The following RBMS1 variants were observed in gnomAD, a reference collection of about 807,000 sequenced individuals.
RBMS1 encodes the protein RNA binding motif single stranded interacting protein 1.
In RBMS1, 17 loss-of-function variants were observed where a neutral mutation model predicts 62.3. The ratio of observed to expected loss-of-function variants is 0.27; its 90% CI spans 0.19 to 0.41. RBMS1 has a LOEUF of 0.41. Among genes scored for constraint, RBMS1 ranks in the 10% least tolerant of loss-of-function variants. RBMS1 has a pLI of 1.00. For missense variants in RBMS1, 334 were observed against 504.5 expected, an observed-to-expected ratio of 0.66 and a Z score of 3.24; for synonymous variants, 172 against 170.0, an observed-to-expected ratio of 1.01 and a Z score of -0.09.
chr2:160,378,321 A>G (rs899739736), intron 1 of RBMS1, among the ~76,000 whole-genome samples: 3 of 152,166 alleles, frequency 2.0e-5, no homozygotes, highest in Admixed American at 2.0e-4. Context: ...AGGTTAATTA[A>G]AGCAGTTTGG....
intron 7 of RBMS1, among the ~76,000 whole-genome samples, chr2:160,285,807 T>G: frequency 6.6e-6 from 1 of 151,648 alleles, no homozygotes; most frequent in East Asian, 1.9e-4. Context: ...AGATCCTATC[T>G]CTATAAAAAT....
intron 10 of RBMS1, among the ~76,000 whole-genome samples, chr2:160,280,948 T>G (rs891038124): frequency 6.6e-6 from 1 of 152,172 alleles, no homozygotes; most frequent in African/African-American, 2.4e-5. Context: ...AAAATCTTCA[T>G]CTCGGTTTTG....
intron 1 of RBMS1, chr2:160,407,894 C>T (rs1356426181): frequency 1.0e-6 from 1 of 980,686 alleles, no homozygotes; most frequent in African/African-American, 1.8e-5. Context: ...GCGGCCTCAA[C>T]CACCGCCCTG....
chr2:160,325,293 A>G (rs180821720), intron 2 of RBMS1, among the ~76,000 whole-genome samples: 2 of 152,272 alleles, frequency 1.3e-5, no homozygotes, highest in Admixed American at 6.5e-5. Flanking sequence ...ACCTGACTAA[A>G]GACCTTCTGG....
At chr2:160,321,192 T>G (rs1237698606) in intron 2 of RBMS1, among the ~76,000 whole-genome samples, 1 of 152,144 alleles carries the variant, frequency 6.6e-6, no homozygotes, top group East Asian at 1.9e-4. Flanking sequence ...TAGTGCTGAA[T>G]GCAAGCCATG....
chr2:160,344,254 T>C (rs986373483), intron 2 of RBMS1, among the ~76,000 whole-genome samples: 5 of 152,028 alleles, frequency 3.3e-5, no homozygotes, highest in African/African-American at 9.7e-5. Context: ...GCAAAAGAGG[T>C]AACTTGTAAG....
At chr2:160,334,547 G>A (rs1179476406) in intron 2 of RBMS1, among the ~76,000 whole-genome samples, 1 of 152,154 alleles carries the variant, frequency 6.6e-6, no homozygotes, top group Non-Finnish European at 1.5e-5. Context: ...AGGTTATTTG[G>A]TAGGTCCTCA....
At chr2:160,367,065 A>G (rs1693438282) in intron 2 of RBMS1, 151 bp downstream of exon 2, 1 of 629,780 alleles carries the variant, frequency 1.6e-6, no homozygotes, top group African/African-American at 1.8e-5. Flanking sequence ...AGTATTTAAG[A>G]AGTTAAAACT....
chr2:160,300,754 C>A (rs1314682551), intron 5 of RBMS1, 24 bp from the exon 6 acceptor site: 1 of 1,530,800 alleles, frequency 6.5e-7, no homozygotes, highest in East Asian at 2.5e-5. Flanking sequence ...AAATAGAATA[C>A]ATAAATATTT....
At chr2:160,392,852 A>G (rs868004803) in intron 1 of RBMS1, among the ~76,000 whole-genome samples, 112 of 152,116 alleles carry the variant, frequency 7.4e-4, no homozygotes, top group African/African-American at 2.6e-3. Flanking sequence ...TGATTGCACC[A>G]CTGCACCACA....
At chr2:160,281,041 G>C (rs1034206184) in intron 10 of RBMS1, among the ~76,000 whole-genome samples, 2 of 152,114 alleles carry the variant, frequency 1.3e-5, no homozygotes, top group Admixed American at 1.3e-4. Context: ...CCTCTCATTT[G>C]AATGATCTCT....
chr2:160,420,739 A>G lies in RBMS1; in HGVS notation c.76-53348T>C, dbSNP rs377058580. 4.6e-5 allele frequency among the ~76,000 whole-genome samples: 7 copies of G among 152,286 alleles called. No homozygotes were observed. In the East Asian group the frequency reaches 1.4e-3, roughly 29 times the overall value. On this transcript the variant is annotated intron_variant, in intron 1 of 13. Transcript: ENST00000348849. Reference sequence around the variant, plus strand: ...AGAAATTATGAGGACACATGCTCCCAACTTTACTGAAAATTTTTGTTACAA... The same window carrying G: ...AGAAATTATGAGGACACATGCTCCCGACTTTACTGAAAATTTTTGTTACAA...
intron 6 of RBMS1, among the ~76,000 whole-genome samples, chr2:160,298,598 A>C (rs1313987950): frequency 6.6e-6 from 1 of 152,114 alleles, no homozygotes; most frequent in African/African-American, 2.4e-5. Context: ...AAAGTAGTCA[A>C]GGGAGGACGC....
At chr2:160,460,418 C>T (rs1164677652) in intron 1 of RBMS1, among the ~76,000 whole-genome samples, 1 of 152,228 alleles carries the variant, frequency 6.6e-6, no homozygotes, top group East Asian at 1.9e-4. Flanking sequence ...AAGTCAGCAT[C>T]GTTTCCCCAG....
intron 2 of RBMS1, among the ~76,000 whole-genome samples, chr2:160,338,624 T>C (rs1691702361): frequency 6.6e-6 from 1 of 152,354 alleles, no homozygotes; most frequent in East Asian, 1.9e-4. Flanking sequence ...ACATATATTT[T>C]AATCTTGTTA....
chr2:160,360,022 G>C (rs1693037531), intron 2 of RBMS1, among the ~76,000 whole-genome samples: 1 of 152,150 alleles, frequency 6.6e-6, no homozygotes, highest in African/African-American at 2.4e-5. Flanking sequence ...GGGAGACAGA[G>C]GTTGCAGTGA....
intron 1 of RBMS1, among the ~76,000 whole-genome samples, chr2:160,388,349 T>A (rs1021819203): frequency 6.6e-6 from 1 of 152,164 alleles, no homozygotes; most frequent in African/African-American, 2.4e-5. Context: ...CACATTGTTT[T>A]TGCCGGCGAC....
At chr2:160,407,587 G>A (rs13002510) in intron 1 of RBMS1, 4 of 982,450 alleles carry the variant, frequency 4.1e-6, no homozygotes, top group African/African-American at 3.5e-5. Context: ...GGGCAGCCTC[G>A]CCGCGAGGGG....
chr2:160,391,125 G>A (rs552410975), intron 1 of RBMS1, among the ~76,000 whole-genome samples: 31 of 150,582 alleles, frequency 2.1e-4, no homozygotes, highest in Admixed American at 1.7e-3. Flanking sequence ...CCTAACCCCC[G>A]GTACCTTGGA....
Sources: allele counts gnomAD v4.1 joint callset (sites outside exome capture counted in the v4.1 genomes callset), GRCh38; gene constraint gnomAD v4.1.1; transcripts MANE v1.5; gene names NCBI Gene and HGNC (gene_info 2026-07-23, HGNC 2026-07-21).